Variants in AIFM2 observed in about 807,000 individuals in gnomAD.
AIFM2 encodes the protein AIF family member 2, ferroptosis suppressor.
Under a neutral mutation model 35.7 loss-of-function variants are expected in AIFM2, and 38 were observed. The ratio of observed to expected loss-of-function variants is 1.06; its 90% CI spans 0.82 to 1.39. The LOEUF is 1.39. Among genes scored for constraint, AIFM2 ranks in the 40% most tolerant of loss-of-function variants. The probability of loss-of-function intolerance (pLI) is 0.00; values close to 1 mark genes in which losing one functional copy is unlikely to be tolerated. For missense variants in AIFM2, 476 were observed against 491.2 expected (o/e 0.97, Z 0.29); for synonymous variants, 185 against 203.5 (o/e 0.91, Z 0.77).
chr10:70,125,072 A>G (rs1029946279), intron 1 of AIFM2, among the ~76,000 whole-genome samples: 3 of 152,118 alleles, frequency 2.0e-5, no homozygotes, highest in African/African-American at 7.2e-5. Flanking sequence ...CCACCATGGG[A>G]TGACTCAGCA....
chr10:70,123,657 G>A, intron 2 of AIFM2, 137 bp from the exon 3 acceptor site: 2 of 828,470 alleles, frequency 2.4e-6, no homozygotes, highest in South Asian at 1.7e-5. Context: ...AGGTATGCCT[G>A]GGGTACCCCT....
chr10:70,118,741 G>A (rs1027600912), intron 5 of AIFM2, among the ~76,000 whole-genome samples: 1 of 152,070 alleles, frequency 6.6e-6, no homozygotes, highest in African/African-American at 2.4e-5. Flanking sequence ...TGTAAATTGG[G>A]GTACTAAGAA....
Position 70,131,349 on chromosome 10 carries a change from G to T in AIFM2, c.-14+1385C>A, listed in dbSNP as rs1191628835. 6.6e-6 allele frequency among the ~76,000 whole-genome samples: 1 copy of T among 152,166 alleles called. No homozygotes were observed. The highest frequency in any genetic ancestry group is 1.5e-5 in the Non-Finnish European group (1 of 68,014). Reference sequence around the variant, plus strand: ...CCATGGAGGTTTCCTCCACCTGCGGGACACAGCAGGATGGAGACGGTTGGG... The same window carrying T: ...CCATGGAGGTTTCCTCCACCTGCGGTACACAGCAGGATGGAGACGGTTGGG... On this transcript the variant is annotated intron_variant, in intron 1 of 8. Coordinates refer to ENST00000307864, the MANE Select transcript of AIFM2 (RefSeq NM_032797.6). The surrounding 1 kb of genome is among the most constrained non-coding windows in gnomAD (Gnocchi z 4.1).
intron 1 of AIFM2, among the ~76,000 whole-genome samples, chr10:70,129,251 C>G (rs1402254308): frequency 6.6e-6 from 1 of 151,808 alleles, no homozygotes; most frequent in African/African-American, 2.4e-5. Flanking sequence ...CAGGGGTAAG[C>G]CACTGTGATT....
chr10:70,117,797 T>C lies in AIFM2; in HGVS notation c.616+15A>G, dbSNP rs1340311029. ...GGCCAGGGCAGGGCAGGGAGGGAGG[T>C]GAGGGTGCACGTACTCAGCAGCAGC... is the stretch of plus-strand genomic sequence containing the variant. On this transcript the variant is annotated intron_variant, in intron 6 of 8. Coordinates refer to ENST00000307864, the MANE Select transcript of AIFM2 (RefSeq NM_032797.6). This position sits in a 1 kb window ranked among gnomAD's most constrained non-coding sequence, Gnocchi z 4.7. 4 of 1,587,604 alleles carry C rather than the reference T, an allele frequency of 2.5e-6. No homozygotes were observed. The highest frequency in any genetic ancestry group is 3.4e-6 in the Non-Finnish European group (4 of 1,166,648).
chr10:70,128,798 C>T (rs1259131496), intron 1 of AIFM2, among the ~76,000 whole-genome samples: 1 of 152,144 alleles, frequency 6.6e-6, no homozygotes, highest in Non-Finnish European at 1.5e-5. Context: ...GAGTTTGAGG[C>T]TGCAGTGAGT....
At chr10:70,124,185 A>G (rs2072541689) in intron 1 of AIFM2, 88 bp from the exon 2 acceptor site, 2 of 1,040,736 alleles carry the variant, frequency 1.9e-6, no homozygotes, top group South Asian at 3.0e-5. Context: ...TCGATCATGA[A>G]TTGACCTTTT....
rs2072500849 is a variant in AIFM2, at chr10:70,121,222, CCA to C, written c.295-13_295-12del. On this transcript the variant is annotated splice_polypyrimidine_tract_variant and intron_variant, in intron 3 of 8. Coordinates refer to ENST00000307864, the MANE Select transcript of AIFM2 (RefSeq NM_032797.6). ...AGAGAAGGGCAGGGCCTGAGAGAAACCAAAAAAAAAAAAAAAAAAAAAAAAAA... is the reference window on the plus strand; with the variant it reads ...AGAGAAGGGCAGGGCCTGAGAGAAACAAAAAAAAAAAAAAAAAAAAAAAAA... The C allele has an allele frequency of 1.7e-4, 30 of 177,112 alleles. No individual in the cohort carries two copies. The highest frequency in any genetic ancestry group is 1.2e-3 in the South Asian group (6 of 5,212). 11.0% of individuals were successfully genotyped at this position (177,112 alleles called of 1,614,324 possible). A position where few individuals can be genotyped will look rare whatever the true frequency, so the allele number is the denominator to read the frequency against.
chr10:70,114,691 C>G (rs1343773020), intron 8 of AIFM2: 5 of 562,416 alleles, frequency 8.9e-6, no homozygotes, highest in South Asian at 8.1e-5. Flanking sequence ...TCAGGCTGGT[C>G]TCGAACTCCC....
chr10:70,126,471 C>A (rs1178922145), intron 1 of AIFM2, among the ~76,000 whole-genome samples: 1 of 152,162 alleles, frequency 6.6e-6, no homozygotes, highest in Admixed American at 6.5e-5. Flanking sequence ...TCATCTGGGA[C>A]CCTCAGGCCG....
At chr10:70,129,518 A>G (rs567573646) in intron 1 of AIFM2, among the ~76,000 whole-genome samples, 46 of 152,286 alleles carry the variant, frequency 3.0e-4, no homozygotes, top group African/African-American at 9.9e-4. Flanking sequence ...AGCAGTTAGC[A>G]TCTGTTGCAC....
At chr10:70,123,337 G>A (rs2072530375) in intron 3 of AIFM2, 68 bp downstream of exon 3, 1 of 1,396,126 alleles carries the variant, frequency 7.2e-7, no homozygotes. Context: ...TCTTGACCCT[G>A]GAGGATCCCG....
chr10:70,116,820 C>A, intron 6 of AIFM2, 46 bp from the exon 7 acceptor site: 1 of 1,606,768 alleles, frequency 6.2e-7, no homozygotes, highest in South Asian at 1.1e-5. Flanking sequence ...ACAGGGACCC[C>A]ATCAAGCCTG....
In AIFM2 at chr10:70,113,904, C is replaced by T; in HGVS notation, c.*274G>A. 1 of 416,492 alleles carries T rather than the reference C, an allele frequency of 2.4e-6. No individual in the cohort carries two copies. The highest frequency in any genetic ancestry group is 5.1e-5 in the East Asian group (1 of 19,626). The allele number at this position is 416,492 out of a possible 1,614,324, so 25.8% of individuals were successfully genotyped here. A position where few individuals can be genotyped will look rare whatever the true frequency, so the allele number is the denominator to read the frequency against. ...CAGAGGAAGGGCTGGCTGTGGCCTC[C>T]CCAGCACCATGCAGCCAGCACACAT... is the stretch of plus-strand genomic sequence containing the variant. On this transcript the variant is annotated 3_prime_UTR_variant, in exon 9 of 9. Transcript: ENST00000307864.
rs190512533 is a variant in AIFM2 at position 70,119,352 on chromosome 10, G to A, written c.507+1155C>T. 4.6e-5 allele frequency among the ~76,000 whole-genome samples: 7 copies of A among 152,330 alleles called. No individual in the cohort carries two copies. In the East Asian group the frequency reaches 1.4e-3, roughly 29 times the overall value. On this transcript the variant is annotated intron_variant, in intron 5 of 8. Coordinates refer to ENST00000307864, the MANE Select transcript of AIFM2 (RefSeq NM_032797.6). ...TGTAGCCAAGTGGGACAGAAGCGTG[G>A]GTAAGCTGGGGACCTATGGACTTGC... is the stretch of plus-strand genomic sequence containing the variant.
rs373354987 is a variant in AIFM2, at chr10:70,117,845, T to C, written c.583A>G (p.Ile195Val). The change falls in exon 6 of 9, where the codon ATC becomes GTC. Residue 195 changes from isoleucine to valine, a missense_variant. Transcript: ENST00000307864. The surrounding 1 kb of genome is among the most constrained non-coding windows in gnomAD (Gnocchi z 4.7). ...LPSVRQEVKE[I>V]LLRKGVQLLL... ...AGCTGCACGCCCTTCCGGAGGAGGA[T>C]CTCCTTCACTTCCTGCCGGACGGAG... The C allele has an allele frequency of 7.5e-6, 12 of 1,603,418 alleles. No individual in the cohort carries two copies. The African/African-American group carries it at 1.2e-4, about 16-fold the overall frequency.
In AIFM2 at chr10:70,116,737, A is replaced by G. The variant is rs752822156; in HGVS notation, c.654T>C (p.Asn218=). Residue 218 remains asparagine, a synonymous_variant, in exon 7 of 9, where the codon AAT becomes AAC. Coordinates refer to ENST00000307864, the MANE Select transcript of AIFM2 (RefSeq NM_032797.6). The stretch of plus-strand genomic sequence containing the variant: ...GCACTTTGATGTACTCTCGATACTC[A>G]TTGAGAGGCAGCTCCTCCAGATTGC... ...RVSNLEELPL[N]EYREYIKVQT... 7.7e-5 allele frequency: 125 copies of G among 1,614,028 alleles called. No homozygotes were observed. Among genetic ancestry groups the G allele is most frequent in the Non-Finnish European group, 1.0e-4 (120 of 1,180,012 alleles).
rs550036855 is a variant in AIFM2, at chr10:70,126,588, C to T, written c.-13-2491G>A. Among the ~76,000 whole-genome samples, 14 of 152,288 alleles carry T rather than the reference C, an allele frequency of 9.2e-5. No individual in the cohort carries two copies. The South Asian group carries it at 2.9e-3, about 32-fold the overall frequency. The stretch of plus-strand genomic sequence containing the variant: ...CTATAATGGGAGGGGACTATAAGGC[C>T]CAACCAGCTATAATATCCTGAGCTG... On this transcript the variant is annotated intron_variant, in intron 1 of 8. Transcript: ENST00000307864.
chr10:70,116,574 C>G, intron 7 of AIFM2, 48 bp downstream of exon 7: 2 of 1,609,982 alleles, frequency 1.2e-6, no homozygotes, highest in Non-Finnish European at 1.7e-6. Flanking sequence ...TCAGAGGGTA[C>G]TGGAGAGCAA....
Sources: gnomAD v4.1 joint callset for allele counts (sites outside exome capture counted in the v4.1 genomes callset) on GRCh38, gnomAD v4.1.1 for gene constraint, Gnocchi (gnomAD v3.1) non-coding constraint, MANE v1.5 for transcripts, NCBI Gene and HGNC (gene_info 2026-07-23, HGNC 2026-07-21) for gene names.